Variants in DOP1B observed in about 807,000 individuals in gnomAD.
The protein encoded by DOP1B is DOP1 leucine zipper like protein B.
DOP1B carries 174 observed loss-of-function variants against 233.5 expected under a neutral mutation model. The ratio of observed to expected loss-of-function variants is 0.75; its 90% CI spans 0.66 to 0.85. The LOEUF (loss-of-function observed/expected upper bound fraction) is 0.85. Among genes scored for constraint, DOP1B ranks in the 40% least tolerant of loss-of-function variants. DOP1B has a pLI of 0.00. For synonymous variants in DOP1B, 1,190 were observed against 1,185.6 expected, an observed-to-expected ratio of 1.00 and a Z score of -0.08; for missense variants, 2,652 against 2,846.6, an observed-to-expected ratio of 0.93 and a Z score of 1.56.
chr21:36,223,450 AG>A lies in DOP1B; in HGVS notation c.1370+101del, dbSNP rs1451350524. ...TATCAGATTATATATAAGTAGCTGA[AG>A]CTGAGTAGTCTTTCCTGAGTTTTAA... On this transcript the variant is annotated intron_variant, in intron 11 of 36. Transcript: ENST00000691173. 3 of 1,442,828 alleles carry A rather than the reference AG, an allele frequency of 2.1e-6. No homozygotes were observed. In the African/African-American group the frequency reaches 4.5e-5, roughly 21 times the overall value. The allele number at this position is 1,442,828 out of a possible 1,614,324, so 89.4% of individuals were successfully genotyped here. A position where few individuals can be genotyped will look rare whatever the true frequency, so the allele number is the denominator to read the frequency against.
intron 2 of DOP1B, among the ~76,000 whole-genome samples, chr21:36,183,667 G>T (rs74743371): frequency 0.016 from 2,430 of 152,360 alleles, 27 homozygotes; most frequent in Non-Finnish European, 0.025. Flanking sequence ...CGGAACCTTT[G>T]TTGTGTTTTG....
At chr21:36,279,923 T>C (rs926438627) in intron 30 of DOP1B, among the ~76,000 whole-genome samples, 2 of 152,242 alleles carry the variant, frequency 1.3e-5, no homozygotes, top group Admixed American at 6.5e-5. Context: ...TTGCCCAGGC[T>C]AGAGTGCTAT....
chr21:36,254,052 T>G (rs1169327123), intron 23 of DOP1B, 143 bp downstream of exon 23: 1 of 1,055,974 alleles, frequency 9.5e-7, no homozygotes, highest in Non-Finnish European at 1.3e-6. Context: ...GAAGTGGAGG[T>G]GCTGTTTGCT....
intron 29 of DOP1B, 32 bp downstream of exon 29, chr21:36,278,116 A>G (rs944163059): frequency 1.2e-6 from 2 of 1,612,996 alleles, no homozygotes; most frequent in Admixed American, 1.7e-5. Flanking sequence ...CTTCCCACCC[A>G]TATGCAGAAA....
chr21:36,191,511 C>T (rs899979126), intron 2 of DOP1B, among the ~76,000 whole-genome samples: 4 of 152,144 alleles, frequency 2.6e-5, no homozygotes, highest in Non-Finnish European at 5.9e-5. Context: ...CTAGGCTGGG[C>T]GAGGTGGCTC....
chr21:36,216,375 C>T (rs185240638), intron 9 of DOP1B, among the ~76,000 whole-genome samples: 29 of 150,734 alleles, frequency 1.9e-4, no homozygotes, highest in Admixed American at 1.7e-3. Context: ...CTTTGGGAAG[C>T]TGAGGCAGGT....
At chr21:36,288,852 C>CA (rs2067519649) in intron 34 of DOP1B, 41 bp downstream of exon 34, 3 of 1,545,918 alleles carry the variant, frequency 1.9e-6, no homozygotes, top group African/African-American at 1.4e-5. Flanking sequence ...AAAAGATAGT[C>CA]ACGATTAAAG....
intron 9 of DOP1B, among the ~76,000 whole-genome samples, chr21:36,215,743 G>A (rs183303834): frequency 4.0e-5 from 6 of 150,184 alleles, no homozygotes; most frequent in African/African-American, 7.3e-5. Flanking sequence ...GACCAGGCAC[G>A]GTGGCTCACA....
intron 3 of DOP1B, among the ~76,000 whole-genome samples, chr21:36,199,953 G>A: frequency 6.6e-6 from 1 of 152,198 alleles, no homozygotes; most frequent in Non-Finnish European, 1.5e-5. Flanking sequence ...TATATACCCA[G>A]TAACGGGATG....
Position 36,278,074 on chromosome 21 carries a change from C to G in DOP1B, c.5812C>G (p.Arg1938Gly), listed in dbSNP as rs536538834. ...GCTTTACTATGTTTTTCCATACTTACGCAACCACAGGTAACGTCATCTTCG... is the reference window on the plus strand; with the variant it reads ...GCTTTACTATGTTTTTCCATACTTAGGCAACCACAGGTAACGTCATCTTCG... Reference protein sequence around the residue: ...RLLYYVFPYLRNHSAYNAPSF... With the variant: ...RLLYYVFPYLGNHSAYNAPSF... The change falls in exon 29 of 37, where the codon CGC (arginine) becomes GGC (glycine). Residue 1938 changes from arginine to glycine, a missense_variant. Physicochemically the swap from Arg to Gly is moderately radical, Grantham distance 125. This residue lies in a region of DOP1B where 2,617 missense variants were observed against 2,794.3 expected (regional missense o/e 0.94). Transcript: ENST00000691173. 5 of 1,613,934 alleles carry G rather than the reference C, an allele frequency of 3.1e-6. No homozygotes were observed. The highest frequency in any genetic ancestry group is 4.2e-6 in the Non-Finnish European group (5 of 1,179,930).
In DOP1B at chr21:36,263,812, C is replaced by T; in HGVS notation, c.5485C>T (p.Gln1829Ter). ...LENKKDQKDL[Q>*]EITQKILEAV... ...AAACAAGAAGGACCAAAAAGACCTG[C>T]AGGTTTGTATATGAAAGAGGTTCAG... Residue 1829 changes from glutamine to a stop codon, truncating the protein, a stop_gained and splice_region_variant, in exon 26 of 37, where the codon CAG (glutamine) becomes TAG (stop). Coordinates refer to ENST00000691173, the MANE Select transcript of DOP1B (RefSeq NM_001320714.2). LOFTEE classifies it high-confidence loss of function. The T allele has an allele frequency of 6.2e-7, 1 of 1,614,166 alleles. No homozygotes were observed. The highest frequency in any genetic ancestry group is 8.5e-7 in the Non-Finnish European group (1 of 1,180,010).
intron 2 of DOP1B, among the ~76,000 whole-genome samples, chr21:36,195,535 A>G (rs1183900340): frequency 1.3e-5 from 2 of 152,144 alleles, no homozygotes; most frequent in Non-Finnish European, 1.5e-5. Flanking sequence ...CCCTGTCTCA[A>G]AAAATCAAAA....
At position 36,230,558 on chromosome 21, in the gene DOP1B, G is replaced by A. The variant is rs1424972143; in HGVS notation, c.1774G>A (p.Gly592Arg). The change falls in exon 14 of 37, where the codon GGG becomes AGG. Residue 592 changes from glycine to arginine, a missense_variant. By Grantham distance (125) the Gly-to-Arg change is moderately radical. Coordinates refer to ENST00000691173, the MANE Select transcript of DOP1B (RefSeq NM_001320714.2). ...PPLKSEDSGI[G>R]LSASSPELSE... ...TCTGAAGTCTGAGGACAGTGGGATC[G>A]GGCTCAGTGCCTCGTCACCGGAGCT... 5.0e-6 allele frequency: 8 copies of A among 1,614,088 alleles called. No homozygotes were observed. The highest frequency in any genetic ancestry group is 1.7e-5 in the Admixed American group (1 of 60,000).
At chr21:36,269,900 A>G in intron 26 of DOP1B, 113 bp from the exon 27 acceptor site, 1 of 1,100,852 alleles carries the variant, frequency 9.1e-7, no homozygotes, top group East Asian at 2.4e-5. Context: ...AATGGTACGT[A>G]TATGCTCACA....
chr21:36,214,904 C>T lies in DOP1B; in HGVS notation c.1129+348C>T, dbSNP rs555784055. Among the ~76,000 whole-genome samples the T allele has an allele frequency of 4.1e-4, 62 of 152,134 alleles. 1 individual carries two copies. In the South Asian group the frequency reaches 5.8e-3, roughly 14 times the overall value. On this transcript the variant is annotated intron_variant, in intron 9 of 36. Coordinates refer to ENST00000691173, the MANE Select transcript of DOP1B (RefSeq NM_001320714.2). ...AAAAAATACAAAAAAATTAGCCAGGCGTGGTGGTGCTTCCCTGTAGTCCCA... is the reference window on the plus strand; with the variant it reads ...AAAAAATACAAAAAAATTAGCCAGGTGTGGTGGTGCTTCCCTGTAGTCCCA...
At chr21:36,208,161 G>A (rs952044006) in intron 4 of DOP1B, among the ~76,000 whole-genome samples, 1 of 152,200 alleles carries the variant, frequency 6.6e-6, no homozygotes, top group African/African-American at 2.4e-5. Context: ...CCAGGCTGAT[G>A]GAATTTGCAG....
In DOP1B at chr21:36,219,335, G is replaced by A. The variant is rs1357782530; in HGVS notation, c.1130-37G>A. 3.1e-6 allele frequency: 5 copies of A among 1,613,402 alleles called. No homozygotes were observed. The East Asian group carries it at 1.1e-4, about 36-fold the overall frequency. On this transcript the variant is annotated intron_variant, in intron 9 of 36. Transcript: ENST00000691173. ...GTCACTTACTGATTTAAAGGGGATT[G>A]TTAATCTGTCTCTGACCATCTTCCT... is the stretch of plus-strand genomic sequence containing the variant.
intron 10 of DOP1B, 98 bp from the exon 11 acceptor site, chr21:36,223,133 A>C: frequency 7.9e-7 from 1 of 1,259,182 alleles, no homozygotes. Flanking sequence ...CTCTAGAAAT[A>C]AGTTGCAGAT....
At chr21:36,218,742 C>T (rs1404422801) in intron 9 of DOP1B, among the ~76,000 whole-genome samples, 1 of 152,174 alleles carries the variant, frequency 6.6e-6, no homozygotes, top group Non-Finnish European at 1.5e-5. Context: ...CCCTCAGCTG[C>T]CTGAGGGTTG....
Sources: allele counts gnomAD v4.1 joint callset (sites outside exome capture counted in the v4.1 genomes callset), GRCh38; gene constraint gnomAD v4.1.1; regional missense constraint gnomAD v4.1.1; transcripts MANE v1.5; gene names NCBI Gene and HGNC (gene_info 2026-07-23, HGNC 2026-07-21).